The following SNTG1 variants were observed in gnomAD, a reference collection of about 807,000 sequenced individuals.
The protein encoded by SNTG1 is syntrophin gamma 1, also known as gamma-1-syntrophin.
A neutral mutation model predicts 74.7 loss-of-function variants in SNTG1; 39 were observed. The observed-to-expected ratio is 0.52, with a 90% CI of 0.40 to 0.68. The LOEUF (loss-of-function observed/expected upper bound fraction) is 0.68, where lower values mean the gene tolerates loss of function less well. SNTG1 is among the 30% of genes least tolerant of loss of function. The pLI is 0.00. For missense variants in SNTG1, 685 were observed against 609.5 expected, an observed-to-expected ratio of 1.12 and a Z score of -1.30; for synonymous variants, 254 against 217.1, an observed-to-expected ratio of 1.17 and a Z score of -1.49.
intron 2 of SNTG1, among the ~76,000 whole-genome samples, chr8:50,244,562 A>T (rs2086306139): frequency 6.6e-6 from 1 of 152,170 alleles, no homozygotes; most frequent in South Asian, 2.1e-4. Flanking sequence ...TTTAAATTCT[A>T]GGTTGAGCAT....
chr8:49,979,692 G>A (rs1274534372), intron 1 of SNTG1, among the ~76,000 whole-genome samples: 1 of 152,158 alleles, frequency 6.6e-6, no homozygotes, highest in African/African-American at 2.4e-5. Flanking sequence ...AAGGCTCTCT[G>A]CGGGCAGGAC....
chr8:50,652,852 C>T (rs1480826378), intron 13 of SNTG1, among the ~76,000 whole-genome samples: 1 of 151,582 alleles, frequency 6.6e-6, no homozygotes, highest in East Asian at 1.9e-4. Flanking sequence ...GGTATGTTAT[C>T]AGATATAAAA....
intron 9 of SNTG1, among the ~76,000 whole-genome samples, chr8:50,527,374 C>G (rs1249838206): frequency 1.3e-5 from 2 of 152,096 alleles, no homozygotes; most frequent in Non-Finnish European, 2.9e-5. Flanking sequence ...CTAAGACATA[C>G]TTGCCTACCC....
At chr8:50,150,128 C>A (rs974605790) in intron 1 of SNTG1, among the ~76,000 whole-genome samples, 1 of 152,002 alleles carries the variant, frequency 6.6e-6, no homozygotes, top group African/African-American at 2.4e-5. Flanking sequence ...AAGTTGGATT[C>A]CTAGGTATTT....
chr8:50,557,915 TG>T (rs958473794), intron 12 of SNTG1, among the ~76,000 whole-genome samples: 6 of 152,300 alleles, frequency 3.9e-5, no homozygotes, highest in African/African-American at 1.4e-4. Context: ...GTGCATTGCT[TG>T]GGGTGGGCCC....
chr8:50,001,074 G>A (rs1308155192), intron 1 of SNTG1, among the ~76,000 whole-genome samples: 1 of 152,180 alleles, frequency 6.6e-6, no homozygotes, highest in Non-Finnish European at 1.5e-5. Context: ...AAGAGTCCAG[G>A]GTGAGCTGAG....
At chr8:50,509,151 C>A (rs1372848371) in intron 9 of SNTG1, among the ~76,000 whole-genome samples, 1 of 152,028 alleles carries the variant, frequency 6.6e-6, no homozygotes, top group African/African-American at 2.4e-5. Context: ...CTAGCCAGTT[C>A]TCCCAGCACC....
chr8:50,254,665 G>A lies in SNTG1; in HGVS notation c.-28+82030G>A, dbSNP rs189626491. The stretch of plus-strand genomic sequence containing the variant: ...GCTTGAGGCCAGGCTGGCCAACATG[G>A]GGAAACCCTGTCTCTACTAAAAATA... On this transcript the variant is annotated intron_variant, in intron 2 of 18. Coordinates refer to ENST00000642720, the MANE Select transcript of SNTG1 (RefSeq NM_018967.5). Among the ~76,000 whole-genome samples, 54 of 152,142 alleles carry A rather than the reference G, an allele frequency of 3.5e-4. 1 individual carries two copies. In the East Asian group the frequency reaches 0.01, roughly 30 times the overall value.
intron 13 of SNTG1, among the ~76,000 whole-genome samples, chr8:50,639,943 T>C (rs1002107967): frequency 2.0e-5 from 3 of 152,160 alleles, no homozygotes; most frequent in African/African-American, 7.2e-5. Flanking sequence ...ATATATATCC[T>C]CATCCTTCAG....
chr8:50,221,314 T>G lies in SNTG1; in HGVS notation c.-28+48679T>G, dbSNP rs1268720319. On this transcript the variant is annotated intron_variant, in intron 2 of 18. Transcript: ENST00000642720. ...TAAAATTAGTTTGAATGTTAAGGAA[T>G]GTGCAGTAGAGGGAAAAAATAGTTA... Among the ~76,000 whole-genome samples, 4 of 152,178 alleles carry G rather than the reference T, an allele frequency of 2.6e-5. No individual in the cohort carries two copies. The East Asian group carries it at 7.7e-4, about 29-fold the overall frequency.
chr8:50,759,270 T>G (rs768676647), intron 18 of SNTG1, among the ~76,000 whole-genome samples: 2 of 152,078 alleles, frequency 1.3e-5, no homozygotes, highest in African/African-American at 4.8e-5. Context: ...GCCTGTTCAC[T>G]CTGATGATAG....
chr8:50,438,946 C>G (rs549184327), intron 5 of SNTG1, among the ~76,000 whole-genome samples: 1 of 152,066 alleles, frequency 6.6e-6, no homozygotes, highest in African/African-American at 2.4e-5. Flanking sequence ...AGAACAATAA[C>G]AAGTTTCACA....
At chr8:50,671,831 TG>T (rs2095284691) in intron 15 of SNTG1, among the ~76,000 whole-genome samples, 2 of 151,902 alleles carry the variant, frequency 1.3e-5, no homozygotes, top group African/African-American at 4.8e-5. Context: ...TAAGAAAATG[TG>T]GCACATATAC....
chr8:50,583,432 C>A (rs2094625005), intron 12 of SNTG1, among the ~76,000 whole-genome samples: 1 of 150,890 alleles, frequency 6.6e-6, no homozygotes. Context: ...AATACATGAG[C>A]CATTAAACCA....
At chr8:50,344,128 C>T (rs1461379755) in intron 2 of SNTG1, among the ~76,000 whole-genome samples, 2 of 152,124 alleles carry the variant, frequency 1.3e-5, no homozygotes, top group Non-Finnish European at 2.9e-5. Flanking sequence ...TATTAGTAAT[C>T]CATTATTCAA....
intron 8 of SNTG1, among the ~76,000 whole-genome samples, chr8:50,463,991 A>G (rs2093588722): frequency 6.6e-6 from 1 of 152,172 alleles, no homozygotes; most frequent in Non-Finnish European, 1.5e-5. Context: ...TTTTTATGTC[A>G]TGGAGATGGC....
chr8:50,246,066 T>C, intron 2 of SNTG1, among the ~76,000 whole-genome samples: 1 of 151,204 alleles, frequency 6.6e-6, no homozygotes, highest in Non-Finnish European at 1.5e-5. Flanking sequence ...AAATAATCCT[T>C]ATTAAAATGT....
intron 8 of SNTG1, among the ~76,000 whole-genome samples, chr8:50,495,932 C>T (rs1204055307): frequency 1.3e-5 from 2 of 152,132 alleles, no homozygotes; most frequent in Non-Finnish European, 2.9e-5. Flanking sequence ...AGCTGTCACC[C>T]AGTAGTTCCT....
At chr8:50,506,416 C>A (rs796774162) in intron 9 of SNTG1, among the ~76,000 whole-genome samples, 14 of 152,042 alleles carry the variant, frequency 9.2e-5, no homozygotes, top group African/African-American at 3.4e-4. Context: ...TTGCATTGAA[C>A]CTGTAGATTG....
Sources: gnomAD v4.1 joint callset for allele counts (sites outside exome capture counted in the v4.1 genomes callset) on GRCh38, gnomAD v4.1.1 for gene constraint, MANE v1.5 for transcripts, NCBI Gene and HGNC (gene_info 2026-07-23, HGNC 2026-07-21) for gene names.